The following ARHGAP15 variants were observed in gnomAD, a reference collection of about 807,000 sequenced individuals.
ARHGAP15 encodes rho GTPase-activating protein 15.
A neutral mutation model predicts 63.7 loss-of-function variants in ARHGAP15; 51 were observed. The ratio of observed to expected loss-of-function variants is 0.80; its 90% CI spans 0.64 to 1.01. The LOEUF is 1.01. Among genes scored for constraint, ARHGAP15 ranks in the 50% least tolerant of loss-of-function variants. The pLI, the probability that ARHGAP15 is intolerant of heterozygous loss-of-function variation, is 0.00. For synonymous variants in ARHGAP15, 191 were observed against 193.8 expected (o/e 0.99, Z 0.12); for missense variants, 560 against 564.6 (o/e 0.99, Z 0.08).
intron 3 of ARHGAP15, among the ~76,000 whole-genome samples, chr2:143,212,525 A>G (rs942488151): frequency 1.3e-5 from 2 of 152,208 alleles, no homozygotes; most frequent in African/African-American, 4.8e-5. Flanking sequence ...ACTTCTTTAA[A>G]GAACTTCAAT....
intron 12 of ARHGAP15, among the ~76,000 whole-genome samples, chr2:143,678,138 G>T (rs1324280861): frequency 6.6e-6 from 1 of 152,184 alleles, no homozygotes; most frequent in Non-Finnish European, 1.5e-5. Context: ...CTGAGCCTGG[G>T]GGGATGGAGG....
chr2:143,177,722 G>C (rs1691063842), intron 2 of ARHGAP15, among the ~76,000 whole-genome samples: 1 of 152,060 alleles, frequency 6.6e-6, no homozygotes, highest in Admixed American at 6.6e-5. Flanking sequence ...TTTTATAAGG[G>C]TGTACAGTGA....
At chr2:143,673,811 A>T (rs1574821250) in intron 12 of ARHGAP15, among the ~76,000 whole-genome samples, 1 of 120,348 alleles carries the variant, frequency 8.3e-6, no homozygotes, top group Admixed American at 9.2e-5. Flanking sequence ...TCATAAGACA[A>T]AGTCAAACAA....
At chr2:143,453,364 T>A (rs1265887120) in intron 8 of ARHGAP15, among the ~76,000 whole-genome samples, 1 of 151,956 alleles carries the variant, frequency 6.6e-6, no homozygotes, top group Non-Finnish European at 1.5e-5. Flanking sequence ...AGCTACTGTT[T>A]TATAATCTTA....
chr2:143,347,887 TTAAATATTAGAATTTG>T (rs1289333864), intron 6 of ARHGAP15, among the ~76,000 whole-genome samples: 3 of 152,046 alleles, frequency 2.0e-5, no homozygotes, highest in Admixed American at 6.6e-5. Context: ...AAGACAGATG[TTAAATATTAGAATTTG>T]ATTTTCCTCA....
At chr2:143,397,658 C>T (rs541100777) in intron 6 of ARHGAP15, among the ~76,000 whole-genome samples, 1 of 151,872 alleles carries the variant, frequency 6.6e-6, no homozygotes, top group African/African-American at 2.4e-5. Context: ...TTTAACAAAA[C>T]CTAACACTTT....
At chr2:143,282,533 G>A (rs1302468101) in intron 6 of ARHGAP15, among the ~76,000 whole-genome samples, 6 of 151,954 alleles carry the variant, frequency 3.9e-5, no homozygotes, top group African/African-American at 9.7e-5. Context: ...GACATGCGCA[G>A]AACAGCACAA....
intron 12 of ARHGAP15, among the ~76,000 whole-genome samples, chr2:143,691,914 G>A (rs1683617886): frequency 6.6e-6 from 1 of 152,142 alleles, no homozygotes; most frequent in Non-Finnish European, 1.5e-5. Flanking sequence ...ACTTCACCAA[G>A]TACATTTGAA....
chr2:143,139,437 C>T (rs1442450284), intron 1 of ARHGAP15, among the ~76,000 whole-genome samples: 1 of 152,086 alleles, frequency 6.6e-6, no homozygotes, highest in Non-Finnish European at 1.5e-5. Context: ...AAAAGAGTCT[C>T]AGGCTTTTAT....
intron 9 of ARHGAP15, among the ~76,000 whole-genome samples, chr2:143,511,315 CA>C (rs1180628165): frequency 3.3e-5 from 5 of 152,060 alleles, no homozygotes. Context: ...TTTTTTTTCC[CA>C]ATCAATGTAT....
chr2:143,682,982 G>A (rs1181829795), intron 12 of ARHGAP15: 1 of 152,058 alleles, frequency 6.6e-6, no homozygotes, highest in Admixed American at 6.6e-5. Context: ...GTAATTTTAC[G>A]TTTATTTTGT....
At chr2:143,534,905 A>G (rs1241320263) in intron 10 of ARHGAP15, among the ~76,000 whole-genome samples, 2 of 151,844 alleles carry the variant, frequency 1.3e-5, no homozygotes, top group Non-Finnish European at 2.9e-5. Context: ...AAACAAAACA[A>G]AAAAACCTAT....
At chr2:143,376,052 G>A (rs1294213760) in intron 6 of ARHGAP15, among the ~76,000 whole-genome samples, 1 of 152,174 alleles carries the variant, frequency 6.6e-6, no homozygotes, top group African/African-American at 2.4e-5. Context: ...CAACTTCCGC[G>A]TTTCCCATTG....
At chr2:143,184,298 A>G (rs1424482698) in intron 2 of ARHGAP15, among the ~76,000 whole-genome samples, 2 of 152,198 alleles carry the variant, frequency 1.3e-5, no homozygotes, top group African/African-American at 2.4e-5. Flanking sequence ...CAAGAAAGGG[A>G]TAGCAAACTG....
At chr2:143,508,181 C>T (rs1388287511) in intron 9 of ARHGAP15, among the ~76,000 whole-genome samples, 3 of 152,180 alleles carry the variant, frequency 2.0e-5, no homozygotes. Flanking sequence ...CTCTTGTTCA[C>T]ACCACTCCAG....
chr2:143,360,570 G>A (rs1248174860), intron 6 of ARHGAP15, among the ~76,000 whole-genome samples: 1 of 151,868 alleles, frequency 6.6e-6, no homozygotes, highest in Non-Finnish European at 1.5e-5. Flanking sequence ...CAAAGACATT[G>A]GACTTGAAAA....
chr2:143,219,426 G>A (rs973946201), intron 4 of ARHGAP15, among the ~76,000 whole-genome samples: 2 of 152,178 alleles, frequency 1.3e-5, no homozygotes, highest in African/African-American at 4.8e-5. Flanking sequence ...ATTAAGTGAA[G>A]CATGACTGTA....
intron 6 of ARHGAP15, among the ~76,000 whole-genome samples, chr2:143,388,305 A>C (rs1289672976): frequency 6.6e-6 from 1 of 152,224 alleles, no homozygotes; most frequent in African/African-American, 2.4e-5. Context: ...TAAGTTGCTA[A>C]AAGAATTTTT....
chr2:143,388,654 C>T (rs540995726), intron 6 of ARHGAP15, among the ~76,000 whole-genome samples: 180 of 152,134 alleles, frequency 1.2e-3, no homozygotes, highest in African/African-American at 4.3e-3. Flanking sequence ...ATACACAATG[C>T]CTATAATGAT....
Sources: gnomAD v4.1 joint callset for allele counts (sites outside exome capture counted in the v4.1 genomes callset) on GRCh38, gnomAD v4.1.1 for gene constraint, MANE v1.5 for transcripts, NCBI Gene and HGNC (gene_info 2026-07-23, HGNC 2026-07-21) for gene names.